CAD: variants seen among roughly 807,000 people sequenced by gnomAD.
The protein encoded by CAD is multifunctional protein CAD.
CAD carries 81 observed loss-of-function variants against 237.2 expected under a neutral mutation model. The ratio of observed to expected loss-of-function variants is 0.34; its 90% CI spans 0.29 to 0.41. CAD has a LOEUF of 0.41. Ranked by LOEUF, CAD falls within the 10% of genes least tolerant of loss-of-function variation. CAD has a pLI of 1.00. For synonymous variants in CAD, 1,196 were observed against 1,162.8 expected, an observed-to-expected ratio of 1.03 and a Z score of -0.58; for missense variants, 2,181 against 2,951.7, an observed-to-expected ratio of 0.74 and a Z score of 6.05.
chr2:27,223,118 G>C, intron 6 of CAD, 81 bp downstream of exon 6: 1 of 1,439,770 alleles, frequency 6.9e-7, no homozygotes, highest in South Asian at 1.2e-5. Flanking sequence ...GAGAGTTGGT[G>C]TTTATTCGTG....
In CAD at chr2:27,237,287, G is replaced by C. The variant is rs1676059917; in HGVS notation, c.4397-92G>C. ...GATCTGCCCACCTCGGCCTCCCAAAGTGCTAGGATTACAGGCGTGAGCCAC... is the reference window on the plus strand; with the variant it reads ...GATCTGCCCACCTCGGCCTCCCAAACTGCTAGGATTACAGGCGTGAGCCAC... On this transcript the variant is annotated intron_variant, in intron 27 of 43. Coordinates refer to ENST00000264705, the MANE Select transcript of CAD (RefSeq NM_004341.5). The surrounding 1 kb of genome is among the most constrained non-coding windows in gnomAD (Gnocchi z 4.0). 48 of 1,384,954 alleles carry C rather than the reference G, an allele frequency of 3.5e-5. No homozygotes were observed. Among genetic ancestry groups the C allele is most frequent in the Non-Finnish European group, 4.7e-5 (46 of 986,756 alleles). The allele number at this position is 1,384,954 out of a possible 1,614,324, so 85.8% of individuals were successfully genotyped here.
Position 27,236,341 on chromosome 2 carries a change from C to T in CAD, c.4132C>T (p.Arg1378Trp). ...EAVDGECPPQ[R>W]SILEQLAEKN... ...TGTGGATGGTGAGTGCCCACCACAGCGGAGCATCCTGGAGCAGCTAGCTGA... is the reference window on the plus strand; with the variant it reads ...TGTGGATGGTGAGTGCCCACCACAGTGGAGCATCCTGGAGCAGCTAGCTGA... The change falls in exon 26 of 44, where the codon CGG (arginine) becomes TGG (tryptophan). Residue 1378 changes from arginine to tryptophan, a missense_variant. Physicochemically the swap from Arg to Trp is moderately radical, Grantham distance 101 (BLOSUM62 -3). Coordinates refer to ENST00000264705, the MANE Select transcript of CAD (RefSeq NM_004341.5). The surrounding 1 kb of genome is among the most constrained non-coding windows in gnomAD (Gnocchi z 4.1). The T allele has an allele frequency of 6.2e-7, 1 of 1,614,126 alleles. No homozygotes were observed. The highest frequency in any genetic ancestry group is 8.5e-7 in the Non-Finnish European group (1 of 1,180,008).
At position 27,225,102 on chromosome 2, in the gene CAD, G is replaced by A; in HGVS notation, c.1479G>A (p.Val493=). The A allele has an allele frequency of 1.2e-6, 2 of 1,614,160 alleles. No individual in the cohort carries two copies. Among genetic ancestry groups the A allele is most frequent in the Non-Finnish European group, 1.7e-6 (2 of 1,180,044 alleles). The change falls in exon 11 of 44, where the codon GTG becomes GTA. Residue 493 remains valine (V), a synonymous_variant. Coordinates refer to ENST00000264705, the MANE Select transcript of CAD (RefSeq NM_004341.5). ...NCGVELTKAG[V]LARYGVRVLG... ...GTGTGGAGCTGACCAAGGCCGGGGT[G>A]CTGGCTCGGTATGGGGTCCGGGTCC...
rs1189878614 is a variant in CAD at position 27,240,595 on chromosome 2, C to T, written c.5593+234C>T. The T allele has an allele frequency of 3.9e-6, 6 of 1,545,300 alleles. No homozygotes were observed. The African/African-American group carries it at 4.1e-5, about 11-fold the overall frequency. Reference sequence around the variant, plus strand: ...TGTTCCTCCGCCCAGGAGCTGGGATCCCACGGGGCAGCAGAGCGTGGGGTA... The same window carrying T: ...TGTTCCTCCGCCCAGGAGCTGGGATTCCACGGGGCAGCAGAGCGTGGGGTA... On this transcript the variant is annotated intron_variant, in intron 35 of 43. Transcript: ENST00000264705. This position sits in a 1 kb window ranked among gnomAD's most constrained non-coding sequence, Gnocchi z 4.6.
At chr2:27,230,132 G>A (rs1488664491) in intron 15 of CAD, among the ~76,000 whole-genome samples, 2 of 152,118 alleles carry the variant, frequency 1.3e-5, no homozygotes, top group East Asian at 3.9e-4. Flanking sequence ...CAGCTACTTG[G>A]GAGGCTGAGG....
At chr2:27,231,370 C>T in intron 15 of CAD, 98 bp from the exon 16 acceptor site, 1 of 709,434 alleles carries the variant, frequency 1.4e-6, no homozygotes, top group Non-Finnish European at 2.5e-6. Flanking sequence ...TTGAGAATCT[C>T]CCAGAGTCTT....
Position 27,241,873 on chromosome 2 carries a change from C to T in CAD, c.5884-38C>T, listed in dbSNP as rs1676333847. ...CTAGCTGGGGTTTCCCCAGGGTGGA[C>T]ACGCATACGTACACCTTCCATCTTG... is the stretch of plus-strand genomic sequence containing the variant. On this transcript the variant is annotated intron_variant, in intron 38 of 43. Transcript: ENST00000264705. The surrounding 1 kb of genome is among the most constrained non-coding windows in gnomAD (Gnocchi z 4.6). The T allele has an allele frequency of 3.9e-6, 6 of 1,550,548 alleles. No homozygotes were observed. The highest frequency in any genetic ancestry group is 1.7e-5 in the Admixed American group (1 of 59,428).
rs1363693534 is a variant in CAD, at chr2:27,242,017, C to G, written c.5990C>G (p.Ala1997Gly). Residue 1997 changes from alanine to glycine, a missense_variant, in exon 39 of 44, where the codon GCC becomes GGC. Coordinates refer to ENST00000264705, the MANE Select transcript of CAD (RefSeq NM_004341.5). The surrounding 1 kb of genome is among the most constrained non-coding windows in gnomAD (Gnocchi z 6.4). ...GGTGCTGTGCTCAGCTTCTCGGAAG[C>G]CACATCGTCCGTCCAGAAGGGCGAA... Reference protein sequence around the residue: ...LGGAVLSFSEATSSVQKGESL... With the variant: ...LGGAVLSFSEGTSSVQKGESL... 6.2e-7 allele frequency: 1 copy of G among 1,613,426 alleles called. No homozygotes were observed. Among genetic ancestry groups the G allele is most frequent in the East Asian group, 2.2e-5 (1 of 44,884 alleles).
Position 27,233,521 on chromosome 2 carries a change from G to A in CAD, c.3201G>A (p.Glu1067=), listed in dbSNP as rs1675864968. Reference sequence around the variant, plus strand: ...GTATCAGCCAGCCTCAGTGGAGGGAGCTCAGTGACCTCGAGGTGGGCTGGG... The same window carrying A: ...GTATCAGCCAGCCTCAGTGGAGGGAACTCAGTGACCTCGAGGTGGGCTGGG... ...TIGISQPQWR[E]LSDLESARQF... Residue 1067 remains glutamate (E), a synonymous_variant, in exon 20 of 44, where the codon GAG becomes GAA. Coordinates refer to ENST00000264705, the MANE Select transcript of CAD (RefSeq NM_004341.5). This position sits in a 1 kb window ranked among gnomAD's most constrained non-coding sequence, Gnocchi z 6.3. 1 of 1,614,078 alleles carries A rather than the reference G, an allele frequency of 6.2e-7. No homozygotes were observed.
chr2:27,242,210 G>A lies in CAD; in HGVS notation c.6096+87G>A. ...CTTCTGCCCACGTTTTCTGTGTTTT[G>A]GGCCAGATGAGTGAGGGGACCCCAG... On this transcript the variant is annotated intron_variant, in intron 39 of 43. Coordinates refer to ENST00000264705, the MANE Select transcript of CAD (RefSeq NM_004341.5). This position sits in a 1 kb window ranked among gnomAD's most constrained non-coding sequence, Gnocchi z 6.4. 27 of 1,583,374 alleles carry A rather than the reference G, an allele frequency of 1.7e-5. No homozygotes were observed. The highest frequency in any genetic ancestry group is 2.2e-5 in the Non-Finnish European group (25 of 1,161,004).
In CAD at chr2:27,236,634, G is replaced by C; in HGVS notation, c.4314+111G>C. The C allele has an allele frequency of 3.2e-6, 5 of 1,555,990 alleles. No homozygotes were observed. Among genetic ancestry groups the C allele is most frequent in the Non-Finnish European group, 4.4e-6 (5 of 1,131,220 alleles). ...CTAGTAATAAAGCTTTGTGGCTACA[G>C]AGGGAGAGATGGTGGGTATAGAGTG... is the stretch of plus-strand genomic sequence containing the variant. On this transcript the variant is annotated intron_variant, in intron 26 of 43. Transcript: ENST00000264705. The surrounding 1 kb of genome is among the most constrained non-coding windows in gnomAD (Gnocchi z 4.1).
At chr2:27,230,210 C>T (rs904089345) in intron 15 of CAD, among the ~76,000 whole-genome samples, 2 of 151,974 alleles carry the variant, frequency 1.3e-5, no homozygotes, top group Non-Finnish European at 2.9e-5. Flanking sequence ...TGCAGTCCAG[C>T]GTGGGTGATG....
intron 3 of CAD, 43 bp downstream of exon 3, chr2:27,221,390 G>A: frequency 3.4e-6 from 5 of 1,454,002 alleles, no homozygotes; most frequent in Non-Finnish European, 4.6e-6. Context: ...AGCACAGCAT[G>A]CCTGGATGGA....
chr2:27,234,035 G>T lies in CAD; in HGVS notation c.3427G>T (p.Asp1143Tyr). The change falls in exon 22 of 44, where the codon GAT (aspartate) becomes TAT (tyrosine). Residue 1143 changes from aspartate to tyrosine, a missense_variant. Coordinates refer to ENST00000264705, the MANE Select transcript of CAD (RefSeq NM_004341.5). ...KEIDVDAVAS[D>Y]GVVAAIAISE... ...GATTGACGTGGATGCCGTGGCCTCT[G>T]ATGGTGTGGTGGCAGCCATCGCCAT... 6.2e-7 allele frequency: 1 copy of T among 1,614,112 alleles called. No homozygotes were observed. The highest frequency in any genetic ancestry group is 8.5e-7 in the Non-Finnish European group (1 of 1,179,984).
At position 27,241,818 on chromosome 2, in the gene CAD, C is replaced by T; in HGVS notation, c.5884-93C>T. Reference sequence around the variant, plus strand: ...TGGGTGCAGAAGGGTCCTCACAGCACCCCTCAAGTGTCAGTTGGGGTGGTG... The same window carrying T: ...TGGGTGCAGAAGGGTCCTCACAGCATCCCTCAAGTGTCAGTTGGGGTGGTG... On this transcript the variant is annotated intron_variant, in intron 38 of 43. Transcript: ENST00000264705. The surrounding 1 kb of genome is among the most constrained non-coding windows in gnomAD (Gnocchi z 4.6). 9.9e-7 allele frequency: 1 copy of T among 1,009,334 alleles called. No individual in the cohort carries two copies. Among genetic ancestry groups the T allele is most frequent in the Non-Finnish European group, 1.5e-6 (1 of 660,550 alleles). The allele number at this position is 1,009,334 out of a possible 1,614,324, so 62.5% of individuals were successfully genotyped here.
chr2:27,218,830 ATTTG>A (rs1558525221), intron 2 of CAD, among the ~76,000 whole-genome samples: 3 of 152,236 alleles, frequency 2.0e-5, no homozygotes, highest in Non-Finnish European at 2.9e-5. Context: ...ATCTCTCAAA[ATTTG>A]TTTGGCCTCA....
At chr2:27,220,320 A>G (rs942475510) in intron 2 of CAD, among the ~76,000 whole-genome samples, 2 of 152,174 alleles carry the variant, frequency 1.3e-5, no homozygotes, top group Admixed American at 6.5e-5. Context: ...GAGGGGCTTC[A>G]CAGAGAAAGG....
At position 27,235,500 on chromosome 2, in the gene CAD, G is replaced by C. The variant is rs1338564667; in HGVS notation, c.3970-36G>C. 1.2e-6 allele frequency: 2 copies of C among 1,613,192 alleles called. No individual in the cohort carries two copies. The highest frequency in any genetic ancestry group is 1.7e-6 in the Non-Finnish European group (2 of 1,179,294). On this transcript the variant is annotated intron_variant, in intron 24 of 43. Transcript: ENST00000264705. This position sits in a 1 kb window ranked among gnomAD's most constrained non-coding sequence, Gnocchi z 5.2. ...AGGGCTGACCTTGAAATGGAAGACA[G>C]GAAGAAAACAATTTCATCCTTCTGT...
At position 27,222,882 on chromosome 2, in the gene CAD, C is replaced by T. The variant is rs201033076; in HGVS notation, c.654C>T (p.Phe218=). The T allele has an allele frequency of 9.3e-6, 15 of 1,614,180 alleles. No homozygotes were observed. Among genetic ancestry groups the T allele is most frequent in the Middle Eastern group, 1.6e-4 (1 of 6,062 alleles). The change falls in exon 6 of 44, where the codon TTC becomes TTT. Residue 218 remains phenylalanine (F), a synonymous_variant. Coordinates refer to ENST00000264705, the MANE Select transcript of CAD (RefSeq NM_004341.5). ...ALDSQEYEGL[F]LSNGPGDPAS... is the part of the protein sequence containing the mutation. ...CCACTCCAGAGTATGAGGGTCTCTTCTTAAGTAATGGGCCTGGTGACCCTG... is the reference window on the plus strand; with the variant it reads ...CCACTCCAGAGTATGAGGGTCTCTTTTTAAGTAATGGGCCTGGTGACCCTG...
Sources: allele counts gnomAD v4.1 joint callset (sites outside exome capture counted in the v4.1 genomes callset), GRCh38; gene constraint gnomAD v4.1.1; non-coding constraint Gnocchi (gnomAD v3.1); transcripts MANE v1.5; gene names NCBI Gene and HGNC (gene_info 2026-07-23, HGNC 2026-07-21).